DOCK3: variants seen among roughly 807,000 people sequenced by gnomAD.
DOCK3 encodes dedicator of cytokinesis 3.
In DOCK3, 60 loss-of-function variants were observed where a neutral mutation model predicts 265.6. The observed-to-expected ratio is 0.23, with a 90% confidence interval of 0.18 to 0.28. The LOEUF is 0.28. DOCK3 is among the 10% of genes least tolerant of loss of function. The pLI is 1.00. For missense variants in DOCK3, 1,981 were observed against 2,594.3 expected (o/e 0.76, Z 5.14); for synonymous variants, 881 against 938.0 (o/e 0.94, Z 1.11).
At chr3:50,722,808 G>A (rs971153936) in intron 1 of DOCK3, among the ~76,000 whole-genome samples, 3 of 141,776 alleles carry the variant, frequency 2.1e-5, no homozygotes, top group Non-Finnish European at 4.5e-5. Flanking sequence ...GTCTGGCTGT[G>A]TTGCCCAGGC....
chr3:51,378,882 G>A (rs782700105), intron 51 of DOCK3, among the ~76,000 whole-genome samples: 5 of 152,162 alleles, frequency 3.3e-5, no homozygotes, highest in African/African-American at 4.8e-5. Flanking sequence ...TGGCATGTGG[G>A]TGCTAGGAAC....
rs889127381 is a variant in DOCK3 at position 50,856,446 on chromosome 3, CT to C, written c.162+14741del. 2.0e-4 allele frequency among the ~76,000 whole-genome samples: 29 copies of C among 146,280 alleles called. 1 individual carries two copies. Among genetic ancestry groups the C allele is most frequent in the Admixed American group, 1.4e-3 (21 of 14,728 alleles). On this transcript the variant is annotated intron_variant, in intron 3 of 52. Coordinates refer to ENST00000266037, the MANE Select transcript of DOCK3 (RefSeq NM_004947.5). ...TTTCTCTATGATCAGTGATGTTGGG[CT>C]TTTTTTTTTCATATGTTTGTTGGCC...
intron 27 of DOCK3, among the ~76,000 whole-genome samples, chr3:51,284,717 A>C (rs1433767481): frequency 6.6e-6 from 1 of 152,222 alleles, no homozygotes; most frequent in Non-Finnish European, 1.5e-5. Context: ...TCAGCACTTC[A>C]TGAGCCTTTC....
At chr3:51,286,391 A>G (rs913986092) in intron 27 of DOCK3, among the ~76,000 whole-genome samples, 5 of 152,234 alleles carry the variant, frequency 3.3e-5, no homozygotes. Context: ...AAATGACCAT[A>G]CAACTCAAAG....
chr3:50,905,604 A>G (rs1341418405), intron 4 of DOCK3, among the ~76,000 whole-genome samples: 1 of 152,110 alleles, frequency 6.6e-6, no homozygotes, highest in African/African-American at 2.4e-5. Flanking sequence ...ATTTTTGCAC[A>G]TTGATTTTGT....
At chr3:50,746,701 G>T (rs2039469560) in intron 1 of DOCK3, among the ~76,000 whole-genome samples, 1 of 152,044 alleles carries the variant, frequency 6.6e-6, no homozygotes, top group Non-Finnish European at 1.5e-5. Context: ...AAGCTTACAG[G>T]CATGGCAGAA....
chr3:51,019,879 G>T (rs2079512452), intron 5 of DOCK3, among the ~76,000 whole-genome samples: 1 of 151,774 alleles, frequency 6.6e-6, no homozygotes, highest in South Asian at 2.1e-4. Flanking sequence ...GTCTATCATT[G>T]ATGGGCATTT....
At position 51,160,658 on chromosome 3, in the gene DOCK3, C is replaced by G. The variant is rs2086080647; in HGVS notation, c.993C>G (p.Leu331=). Residue 331 remains leucine (L), a synonymous_variant, in exon 12 of 53, where the codon CTC becomes CTG. Transcript: ENST00000266037. ...VLSILDVLQS[L]TEVKEEKDFV... is the part of the protein sequence containing the mutation. Reference sequence around the variant, plus strand: ...GCATCTTGGATGTCCTACAGTCACTCACAGAAGTAAAGGAAGAAAAGGATT... The same window carrying G: ...GCATCTTGGATGTCCTACAGTCACTGACAGAAGTAAAGGAAGAAAAGGATT... 8.1e-6 allele frequency: 13 copies of G among 1,612,904 alleles called. No homozygotes were observed. Among genetic ancestry groups the G allele is most frequent in the Non-Finnish European group, 9.3e-6 (11 of 1,179,466 alleles).
intron 9 of DOCK3, among the ~76,000 whole-genome samples, chr3:51,117,561 C>T (rs2083795336): frequency 6.6e-6 from 1 of 152,124 alleles, no homozygotes; most frequent in African/African-American, 2.4e-5. Flanking sequence ...CTTTATACCT[C>T]TAGTAGAAAT....
intron 32 of DOCK3, among the ~76,000 whole-genome samples, chr3:51,325,264 A>G (rs1238340090): frequency 2.6e-5 from 4 of 152,220 alleles, no homozygotes; most frequent in Non-Finnish European, 4.4e-5. Flanking sequence ...ATGAACAGAC[A>G]CTTCTCAAAA....
intron 1 of DOCK3, among the ~76,000 whole-genome samples, chr3:50,765,583 T>C (rs1318109318): frequency 6.6e-6 from 1 of 152,158 alleles, no homozygotes; most frequent in Non-Finnish European, 1.5e-5. Context: ...TATTTTTCTT[T>C]CCTCCTGTTT....
At chr3:51,094,434 A>G (rs1186686197) in intron 9 of DOCK3, among the ~76,000 whole-genome samples, 1 of 150,462 alleles carries the variant, frequency 6.6e-6, no homozygotes, top group Admixed American at 6.6e-5. Flanking sequence ...TTTTTTCTAT[A>G]TTTTCCTAGT....
In DOCK3 at chr3:51,357,060, T is replaced by C. The variant is rs762813197; in HGVS notation, c.4602T>C (p.His1534=). 5.6e-6 allele frequency: 9 copies of C among 1,613,142 alleles called. No individual in the cohort carries two copies. The highest frequency in any genetic ancestry group is 4.5e-5 in the East Asian group (2 of 44,894). Residue 1534 remains histidine, a synonymous_variant, in exon 44 of 53, where the codon CAT becomes CAC. Coordinates refer to ENST00000266037, the MANE Select transcript of DOCK3 (RefSeq NM_004947.5). ...GCCAGTATCAACACAAGCAGGTGCATGGCAACATTAACCTGCTAAGCATGT... is the reference window on the plus strand; with the variant it reads ...GCCAGTATCAACACAAGCAGGTGCACGGCAACATTAACCTGCTAAGCATGT... The part of the protein sequence containing the change: ...LISQYQHKQV[H]GNINLLSMCL...
At chr3:50,717,338 T>G (rs1026555368) in intron 1 of DOCK3, among the ~76,000 whole-genome samples, 2 of 152,216 alleles carry the variant, frequency 1.3e-5, no homozygotes, top group Non-Finnish European at 2.9e-5. Context: ...GTTTTTTTGT[T>G]TTTCTTTTTT....
intron 5 of DOCK3, among the ~76,000 whole-genome samples, chr3:51,012,498 G>C (rs2078992659): frequency 6.6e-6 from 1 of 152,200 alleles, no homozygotes; most frequent in Non-Finnish European, 1.5e-5. Flanking sequence ...CATTGGAAAA[G>C]TGCAGTATTA....
chr3:51,171,543 C>T (rs1415109286), intron 12 of DOCK3, among the ~76,000 whole-genome samples: 3 of 151,862 alleles, frequency 2.0e-5, no homozygotes, highest in Non-Finnish European at 2.9e-5. Flanking sequence ...GGTGAAATCC[C>T]GTCTCTACTA....
rs749581232 is a variant in DOCK3, at chr3:51,090,266, C to T, written c.628C>T (p.Arg210Trp). The change falls in exon 9 of 53, where the codon CGG (arginine) becomes TGG (tryptophan). Residue 210 changes from arginine to tryptophan, a missense_variant. Physicochemically the swap from Arg to Trp is moderately radical, Grantham distance 101 (BLOSUM62 -3). This residue lies in a region of DOCK3 where 456 missense variants were observed against 539.0 expected (regional missense o/e 0.85). Coordinates refer to ENST00000266037, the MANE Select transcript of DOCK3 (RefSeq NM_004947.5). ...GCGCCCACGTCATGGGGAAACATGT[C>T]GGATGCCAGTGCCACATCACTTCTT... ...TMRPRHGETC[R>W]MPVPHHFFLS... 1.4e-5 allele frequency: 23 copies of T among 1,597,290 alleles called. No homozygotes were observed. Among genetic ancestry groups the T allele is most frequent in the Admixed American group, 3.5e-5 (2 of 57,556 alleles).
intron 3 of DOCK3, among the ~76,000 whole-genome samples, chr3:50,867,417 T>A (rs1178263717): frequency 6.6e-6 from 1 of 152,186 alleles, no homozygotes; most frequent in Non-Finnish European, 1.5e-5. Flanking sequence ...TGTGTTTTTT[T>A]CTGTTGTCTG....
chr3:50,905,101 G>T (rs920819504), intron 4 of DOCK3, among the ~76,000 whole-genome samples: 8 of 151,972 alleles, frequency 5.3e-5, no homozygotes, highest in Non-Finnish European at 1.0e-4. Flanking sequence ...TGAGGGCTCT[G>T]TTCTGTTCCA....
Sources: gnomAD v4.1 joint callset for allele counts (sites outside exome capture counted in the v4.1 genomes callset) on GRCh38, gnomAD v4.1.1 for gene constraint, gnomAD v4.1.1 regional missense constraint, MANE v1.5 for transcripts, NCBI Gene and HGNC (gene_info 2026-07-23, HGNC 2026-07-21) for gene names.